CAMTA1: variants seen among roughly 807,000 people sequenced by gnomAD.
The protein encoded by CAMTA1 is calmodulin-binding transcription activator 1.
Under a neutral mutation model 170.9 loss-of-function variants are expected in CAMTA1, and 27 were observed. The ratio of observed to expected loss-of-function variants is 0.16; its 90% confidence interval spans 0.12 to 0.22. CAMTA1 has a LOEUF of 0.22. CAMTA1 is among the 10% of genes least tolerant of loss of function. The pLI, the probability that CAMTA1 is intolerant of heterozygous loss-of-function variation, is 1.00. For synonymous variants in CAMTA1, 833 were observed against 891.5 expected (o/e 0.93, Z 1.17); for missense variants, 1,619 against 2,217.2 (o/e 0.73, Z 5.42).
At chr1:7,170,866 C>T (rs942263376) in intron 4 of CAMTA1, among the ~76,000 whole-genome samples, 4 of 152,012 alleles carry the variant, frequency 2.6e-5, no homozygotes, top group South Asian at 4.2e-4. Context: ...ATGATGCTAG[C>T]GGTTTTGAAA....
At chr1:7,256,833 T>C (rs181066678) in intron 5 of CAMTA1, among the ~76,000 whole-genome samples, 41 of 152,198 alleles carry the variant, frequency 2.7e-4, no homozygotes, top group Admixed American at 2.0e-3. Context: ...GGCGAGGGCC[T>C]GTTTCCTGGG....
rs1157785546 is a variant in CAMTA1 at position 7,308,352 on chromosome 1, TG to T, written c.438+58727del. Among the ~76,000 whole-genome samples, 33 of 152,184 alleles carry T rather than the reference TG, an allele frequency of 2.2e-4. 2 individuals carry two copies. In the South Asian group the frequency reaches 4.8e-3, roughly 22 times the overall value. ...TATTTTTTTCATTTTCAATTCCATT[TG>T]TAATTCATTCTTATTTTACTATCTC... is the stretch of plus-strand genomic sequence containing the variant. On this transcript the variant is annotated intron_variant, in intron 5 of 22. Transcript: ENST00000303635.
intron 6 of CAMTA1, among the ~76,000 whole-genome samples, chr1:7,568,719 C>T (rs1171557781): frequency 6.6e-6 from 1 of 151,666 alleles, no homozygotes; most frequent in Non-Finnish European, 1.5e-5. Context: ...TCACCACCAC[C>T]ATCCAACATC....
intron 3 of CAMTA1, among the ~76,000 whole-genome samples, chr1:6,894,985 G>A (rs529443085): frequency 6.6e-6 from 1 of 152,312 alleles, no homozygotes. Context: ...CAGTAGGGAG[G>A]GCGAGGTCAA....
At chr1:7,331,252 A>C (rs2083015736) in intron 5 of CAMTA1, among the ~76,000 whole-genome samples, 1 of 152,058 alleles carries the variant, frequency 6.6e-6, no homozygotes, top group African/African-American at 2.4e-5. Context: ...ACAAAACAAA[A>C]CAAAACACCT....
intron 4 of CAMTA1, among the ~76,000 whole-genome samples, chr1:7,220,487 G>A (rs1218346946): frequency 6.6e-6 from 1 of 152,084 alleles, no homozygotes; most frequent in Non-Finnish European, 1.5e-5. Flanking sequence ...CCCCATTCCC[G>A]GGAGCGTTCA....
At chr1:6,939,694 G>A (rs1686085569) in intron 3 of CAMTA1, among the ~76,000 whole-genome samples, 1 of 152,214 alleles carries the variant, frequency 6.6e-6, no homozygotes, top group African/African-American at 2.4e-5. Flanking sequence ...CAGCACAGAA[G>A]CCCTTCTTGC....
chr1:7,227,377 A>G (rs112402819), intron 4 of CAMTA1, among the ~76,000 whole-genome samples: 14,899 of 151,854 alleles, frequency 0.098, 2,104 homozygotes, highest in African/African-American at 0.32. Flanking sequence ...GCCTAGGCTG[A>G]CGTGCAATGG....
intron 6 of CAMTA1, among the ~76,000 whole-genome samples, chr1:7,471,908 A>C (rs1255926562): frequency 2.6e-5 from 4 of 152,176 alleles, no homozygotes; most frequent in Non-Finnish European, 5.9e-5. Flanking sequence ...CCCGCAGGGG[A>C]CCAGGCCCCC....
intron 3 of CAMTA1, among the ~76,000 whole-genome samples, chr1:6,935,417 ATATT>A (rs2149392984): frequency 6.6e-6 from 1 of 152,290 alleles, no homozygotes; most frequent in African/African-American, 2.4e-5. Context: ...TGATGAAAAT[ATATT>A]TAATTATCAT....
intron 5 of CAMTA1, among the ~76,000 whole-genome samples, chr1:7,401,505 T>G (rs572093641): frequency 1.3e-5 from 2 of 151,924 alleles, no homozygotes; most frequent in Non-Finnish European, 2.9e-5. Context: ...AAATTTAGAA[T>G]TAGTTTGTTC....
intron 5 of CAMTA1, among the ~76,000 whole-genome samples, chr1:7,313,643 G>A (rs147903304): frequency 6.6e-6 from 1 of 152,288 alleles, no homozygotes; most frequent in African/African-American, 2.4e-5. Flanking sequence ...GGAAAAAGGA[G>A]TAACATCATA....
chr1:7,052,727 C>T (rs1251177955), intron 3 of CAMTA1, among the ~76,000 whole-genome samples: 1 of 152,216 alleles, frequency 6.6e-6, no homozygotes, highest in Non-Finnish European at 1.5e-5. Flanking sequence ...TGTGCCCACA[C>T]CTGCCCAGCA....
At chr1:7,662,260 C>T (rs2095966126) in intron 8 of CAMTA1, among the ~76,000 whole-genome samples, 1 of 152,258 alleles carries the variant, frequency 6.6e-6, no homozygotes, top group Non-Finnish European at 1.5e-5. Flanking sequence ...GTCAGTGACA[C>T]CACGCAGGCG....
intron 3 of CAMTA1, among the ~76,000 whole-genome samples, chr1:6,996,353 CT>C (rs2100538165): frequency 6.6e-6 from 1 of 152,308 alleles, no homozygotes; most frequent in South Asian, 2.1e-4. Context: ...TTAGCAGATA[CT>C]TCGCTGAGTT....
At chr1:7,653,914 A>G (rs1355826668) in intron 7 of CAMTA1, among the ~76,000 whole-genome samples, 1 of 152,186 alleles carries the variant, frequency 6.6e-6, no homozygotes, top group Non-Finnish European at 1.5e-5. Flanking sequence ...TGTGATTTCT[A>G]TACCCATAGT....
rs147307206 is a variant in CAMTA1 at position 7,584,088 on chromosome 1, ACTTT to A, written c.511-56303_511-56300del. ...GACTCTGCTAGAGGAATCATATAAC[ACTTT>A]CTTTCTTTGTGCCACAATTCTGTAT... On this transcript the variant is annotated intron_variant, in intron 6 of 22. Coordinates refer to ENST00000303635, the MANE Select transcript of CAMTA1 (RefSeq NM_015215.4). Among the ~76,000 whole-genome samples, 940 of 152,126 alleles carry A rather than the reference ACTTT, an allele frequency of 6.2e-3. 10 individuals carry two copies. Among genetic ancestry groups the A allele is most frequent in the African/African-American group, 0.022 (895 of 41,474 alleles).
chr1:7,052,242 C>T (rs759685338), intron 3 of CAMTA1, among the ~76,000 whole-genome samples: 1 of 144,402 alleles, frequency 6.9e-6, no homozygotes, highest in Non-Finnish European at 1.5e-5. Flanking sequence ...CTGGCGGGTT[C>T]TTGTCCAGCC....
At chr1:6,986,904 C>G (rs1695445020) in intron 3 of CAMTA1, among the ~76,000 whole-genome samples, 1 of 151,970 alleles carries the variant, frequency 6.6e-6, no homozygotes, top group South Asian at 2.1e-4. Flanking sequence ...ACTTAGGACC[C>G]AATATTCTAC....
Sources: gnomAD v4.1 joint callset for allele counts (sites outside exome capture counted in the v4.1 genomes callset) on GRCh38, gnomAD v4.1.1 for gene constraint, MANE v1.5 for transcripts, NCBI Gene and HGNC (gene_info 2026-07-23, HGNC 2026-07-21) for gene names.